STARD13: variants seen among roughly 807,000 people sequenced by gnomAD.
The protein encoded by STARD13 is StAR related lipid transfer domain containing 13.
A neutral mutation model predicts 106.4 loss-of-function variants in STARD13; 62 were observed. The observed-to-expected ratio is 0.58, with a 90% CI of 0.48 to 0.72. The LOEUF is 0.72. Among genes scored for constraint, STARD13 ranks in the 30% least tolerant of loss-of-function variants. The pLI, the probability that STARD13 is intolerant of heterozygous loss-of-function variation, is 0.00. For synonymous variants in STARD13, 565 were observed against 553.0 expected, an observed-to-expected ratio of 1.02 and a Z score of -0.31; for missense variants, 1,387 against 1,424.0, an observed-to-expected ratio of 0.97 and a Z score of 0.42.
chr13:33,649,045 G>A, the STARD13 span, among the ~76,000 whole-genome samples: 157 of 151,876 alleles, frequency 1.0e-3, no homozygotes, highest in African/African-American at 3.7e-3. Flanking sequence ...CGCCTGCCTC[G>A]GCCTCCCAAA....
At chr13:33,320,603 ATATACT>A (rs1442783940) in intron 1 of STARD13, among the ~76,000 whole-genome samples, 1 of 152,198 alleles carries the variant, frequency 6.6e-6, no homozygotes, top group Non-Finnish European at 1.5e-5. Flanking sequence ...ATTTTTCAAA[ATATACT>A]TAGATTATAT....
chr13:33,268,029 T>C (rs570333440), intron 1 of STARD13, among the ~76,000 whole-genome samples: 1 of 152,316 alleles, frequency 6.6e-6, no homozygotes, highest in East Asian at 1.9e-4. Flanking sequence ...AAGTTGGACT[T>C]GAAATATTAA....
chr13:33,199,311 G>A (rs1886850809), intron 1 of STARD13, among the ~76,000 whole-genome samples: 1 of 152,176 alleles, frequency 6.6e-6, no homozygotes, highest in African/African-American at 2.4e-5. Flanking sequence ...TTCTTGAAAA[G>A]ACATTATATG....
the STARD13 span, among the ~76,000 whole-genome samples, chr13:33,411,613 G>A: frequency 6.6e-6 from 1 of 152,002 alleles, no homozygotes; most frequent in African/African-American, 2.4e-5. Context: ...AGCATAGAAA[G>A]AAGTAGGTTT....
At position 33,142,311 on chromosome 13, in the gene STARD13, T is replaced by TTTTGGAACTTCC; in HGVS notation, c.385_386insGGAAGTTCCAAA (p.Lys128_Lys129insArgLysPheGln). The TTTTGGAACTTCC allele has an allele frequency of 6.2e-7, 1 of 1,612,084 alleles. No homozygotes were observed. The highest frequency in any genetic ancestry group is 1.1e-5 in the South Asian group (1 of 91,048). ...TCTTATTAAGGTGTGGGCACCTACCTTTTTCCTTTGGAAGTTCACATCAAG... is the reference window on the plus strand; with the variant it reads ...TCTTATTAAGGTGTGGGCACCTACCTTTTGGAACTTCCTTTTCCTTTGGAAGTTCACATCAAG... On this transcript the variant is annotated inframe_insertion and splice_region_variant, in exon 4 of 14. Transcript: ENST00000336934.
chr13:33,355,368 T>A (rs1409859702), upstream of STARD13: 3 of 152,202 alleles, frequency 2.0e-5, no homozygotes, highest in African/African-American at 7.2e-5. Context: ...CATTCCACGG[T>A]CTGCTTGCTG....
chr13:33,429,577 C>T, the STARD13 span, among the ~76,000 whole-genome samples: 1 of 151,548 alleles, frequency 6.6e-6, no homozygotes, highest in Non-Finnish European at 1.5e-5. Context: ...GAGTACTATT[C>T]AGCCATAAAA....
upstream of STARD13, among the ~76,000 whole-genome samples, chr13:33,286,226 A>G (rs74927930): frequency 5.8e-3 from 887 of 152,304 alleles, 11 homozygotes; most frequent in African/African-American, 0.021. Flanking sequence ...CACCACCTTC[A>G]TTATCAAGAA....
At chr13:33,584,288 G>T in the STARD13 span, among the ~76,000 whole-genome samples, 1 of 152,198 alleles carries the variant, frequency 6.6e-6, no homozygotes, top group African/African-American at 2.4e-5. Flanking sequence ...GAAGCCTGAT[G>T]CTGGAATCTA....
chr13:33,124,025 C>T (rs915061639), intron 7 of STARD13, among the ~76,000 whole-genome samples: 3 of 152,166 alleles, frequency 2.0e-5, no homozygotes, highest in South Asian at 2.1e-4. Context: ...GTGCTGTTGG[C>T]GAAGAAAGAA....
In STARD13 at chr13:33,126,227, A is replaced by G; in HGVS notation, c.1936T>C (p.Phe646Leu). ...KHGWTWSVPK[F>L]MKRMKVPDYK... The stretch of plus-strand genomic sequence containing the variant: ...TCGGGAACTTTCATCCTCTTCATGA[A>G]CTTTGGAACTGACCTAGAATTTACA... The change falls in exon 7 of 14, where the codon TTC becomes CTC. Residue 646 changes from phenylalanine (F) to leucine (L), a missense_variant. Transcript: ENST00000336934. The G allele has an allele frequency of 1.2e-6, 2 of 1,614,168 alleles. No homozygotes were observed. Among genetic ancestry groups the G allele is most frequent in the Admixed American group, 1.7e-5 (1 of 60,032 alleles).
intron 3 of STARD13, among the ~76,000 whole-genome samples, chr13:33,151,004 A>G (rs758163421): frequency 1.3e-5 from 2 of 152,188 alleles, no homozygotes; most frequent in Non-Finnish European, 2.9e-5. Context: ...TGGGATAGAA[A>G]CATGATTAAA....
chr13:33,648,586 T>C, the STARD13 span, among the ~76,000 whole-genome samples: 1 of 152,170 alleles, frequency 6.6e-6, no homozygotes. Flanking sequence ...ATTTTCCTTC[T>C]TGCCTAGGCC....
chr13:33,377,607 A>G, the STARD13 span, among the ~76,000 whole-genome samples: 1 of 142,638 alleles, frequency 7.0e-6, no homozygotes, highest in Admixed American at 7.4e-5. Flanking sequence ...TTATACTCTC[A>G]TCTCCCCCAG....
At chr13:33,123,316 T>G (rs1876657515) in intron 7 of STARD13, among the ~76,000 whole-genome samples, 2 of 152,242 alleles carry the variant, frequency 1.3e-5, no homozygotes, top group Admixed American at 6.5e-5. Flanking sequence ...AATCTCCCTC[T>G]TGGCATCCTG....
intron 8 of STARD13, among the ~76,000 whole-genome samples, chr13:33,113,350 C>G (rs923937255): frequency 6.6e-6 from 1 of 152,142 alleles, no homozygotes; most frequent in Non-Finnish European, 1.5e-5. Flanking sequence ...TCTCAGGATG[C>G]CCAAGGCTCC....
At chr13:33,170,712 A>G (rs1451981569) in intron 1 of STARD13, among the ~76,000 whole-genome samples, 2 of 152,090 alleles carry the variant, frequency 1.3e-5, no homozygotes, top group Non-Finnish European at 2.9e-5. Flanking sequence ...TTGCCATTCT[A>G]TTTGCCCAAA....
chr13:33,173,021 G>A (rs1000820526), intron 1 of STARD13, among the ~76,000 whole-genome samples: 1 of 152,132 alleles, frequency 6.6e-6, no homozygotes, highest in African/African-American at 2.4e-5. Context: ...TGAGTAGAGT[G>A]TTTTGTCTTT....
chr13:33,638,124 C>T, the STARD13 span, among the ~76,000 whole-genome samples: 304 of 152,258 alleles, frequency 2.0e-3, 2 homozygotes, highest in African/African-American at 6.6e-3. Context: ...ACTAATGGCC[C>T]ATGACAGAGC....
Sources: allele counts gnomAD v4.1 joint callset (sites outside exome capture counted in the v4.1 genomes callset), GRCh38; gene constraint gnomAD v4.1.1; transcripts MANE v1.5; gene names NCBI Gene and HGNC (gene_info 2026-07-23, HGNC 2026-07-21).